Variants in GRID1 observed in about 807,000 individuals in gnomAD.
The protein encoded by GRID1 is glutamate ionotropic receptor delta type subunit 1.
GRID1 carries 28 observed loss-of-function variants against 98.0 expected under a neutral mutation model. That is an observed-to-expected ratio of 0.29 (90% CI 0.21 to 0.39). The LOEUF (loss-of-function observed/expected upper bound fraction) is 0.39. Ranked by LOEUF, GRID1 falls within the 10% of genes least tolerant of loss-of-function variation. The probability of loss-of-function intolerance (pLI) is 1.00; values close to 1 mark genes in which losing one functional copy is unlikely to be tolerated. For synonymous variants in GRID1, 553 were observed against 538.5 expected (o/e 1.03, Z -0.37); for missense variants, 1,111 against 1,340.5 (o/e 0.83, Z 2.67).
chr10:85,836,349 A>C (rs1320713580), intron 8 of GRID1, among the ~76,000 whole-genome samples: 2 of 152,154 alleles, frequency 1.3e-5, no homozygotes, highest in Non-Finnish European at 2.9e-5. Context: ...TTCAGAGGGA[A>C]GGCACCGAGA....
At chr10:86,196,971 C>T (rs1845883311) in intron 3 of GRID1, among the ~76,000 whole-genome samples, 1 of 152,092 alleles carries the variant, frequency 6.6e-6, no homozygotes, top group African/African-American at 2.4e-5. Context: ...ATTCACTCAT[C>T]AAATATTTAA....
chr10:85,619,811 A>G (rs898611309), intron 14 of GRID1, 56 bp downstream of exon 14: 1 of 1,370,416 alleles, frequency 7.3e-7, no homozygotes, highest in African/African-American at 1.4e-5. Flanking sequence ...TTATTCTCCT[A>G]CCCTTGACCA....
intron 4 of GRID1, among the ~76,000 whole-genome samples, chr10:86,032,383 A>AG (rs1564655039): frequency 1.3e-5 from 2 of 152,138 alleles, no homozygotes; most frequent in East Asian, 1.9e-4. Flanking sequence ...GTCGAGTGTA[A>AG]GGGGGGGAAG....
chr10:86,001,281 CT>C (rs529881348), intron 4 of GRID1, among the ~76,000 whole-genome samples: 54 of 152,202 alleles, frequency 3.5e-4, no homozygotes, highest in African/African-American at 1.3e-3. Context: ...TTCCATGAAT[CT>C]TTATATGTGT....
At position 85,889,643 on chromosome 10, in the gene GRID1, A is replaced by G. The variant is rs550778461; in HGVS notation, c.781-20463T>C. Among the ~76,000 whole-genome samples the G allele has an allele frequency of 7.2e-5, 11 of 152,326 alleles. No homozygotes were observed. The South Asian group carries it at 1.9e-3, about 26-fold the overall frequency. On this transcript the variant is annotated intron_variant, in intron 5 of 15. Transcript: ENST00000327946. The stretch of plus-strand genomic sequence containing the variant: ...TATTGTCAATAGTGCTGCAATAAAC[A>G]TGAGAGTTCAGGTACTTTGGAGATG...
intron 2 of GRID1, among the ~76,000 whole-genome samples, chr10:86,289,397 A>T (rs1294072235): frequency 6.6e-6 from 1 of 152,028 alleles, no homozygotes; most frequent in Non-Finnish European, 1.5e-5. Flanking sequence ...TCACCCCTTC[A>T]GACCCCTCGG....
intron 2 of GRID1, among the ~76,000 whole-genome samples, chr10:86,345,442 T>C (rs1848367999): frequency 6.6e-6 from 1 of 152,142 alleles, no homozygotes; most frequent in Non-Finnish European, 1.5e-5. Flanking sequence ...AGCCTGGTCC[T>C]CCTCTCCCCT....
intron 15 of GRID1, among the ~76,000 whole-genome samples, chr10:85,604,988 G>C (rs1424408545): frequency 6.6e-6 from 1 of 152,198 alleles, no homozygotes; most frequent in African/African-American, 2.4e-5. Context: ...AATAAGGACA[G>C]TAAGACTGAA....
chr10:86,252,611 C>G (rs1846854860), intron 2 of GRID1, among the ~76,000 whole-genome samples: 2 of 152,262 alleles, frequency 1.3e-5, no homozygotes. Flanking sequence ...TAACAAGCTA[C>G]AGTCAATGAC....
At chr10:86,101,115 G>T (rs1366537309) in intron 4 of GRID1, among the ~76,000 whole-genome samples, 1 of 151,972 alleles carries the variant, frequency 6.6e-6, no homozygotes, top group Non-Finnish European at 1.5e-5. Flanking sequence ...CATATGCAGG[G>T]GTCCACCTGG....
intron 8 of GRID1, among the ~76,000 whole-genome samples, chr10:85,840,745 CA>C (rs1421088058): frequency 6.6e-6 from 1 of 151,978 alleles, no homozygotes; most frequent in Non-Finnish European, 1.5e-5. Flanking sequence ...ACAATTGCCA[CA>C]AAAAGAATAA....
intron 3 of GRID1, among the ~76,000 whole-genome samples, chr10:86,187,628 T>C (rs1218526125): frequency 1.3e-5 from 2 of 152,176 alleles, no homozygotes; most frequent in African/African-American, 2.4e-5. Flanking sequence ...TTGGCATCTG[T>C]GCAAGCTGAG....
intron 2 of GRID1, among the ~76,000 whole-genome samples, chr10:86,356,245 T>C (rs754079120): frequency 6.6e-6 from 1 of 152,230 alleles, no homozygotes; most frequent in Non-Finnish European, 1.5e-5. Flanking sequence ...GGGGTATCAA[T>C]GGGAGCCACA....
At chr10:85,676,902 G>T (rs1310593155) in intron 12 of GRID1, among the ~76,000 whole-genome samples, 2 of 152,212 alleles carry the variant, frequency 1.3e-5, no homozygotes, top group African/African-American at 4.8e-5. Flanking sequence ...ATTAGTTAAT[G>T]GCAGGCAGAG....
At chr10:85,716,697 A>G (rs1190676373) in intron 12 of GRID1, among the ~76,000 whole-genome samples, 1 of 148,378 alleles carries the variant, frequency 6.7e-6, no homozygotes, top group Non-Finnish European at 1.5e-5. Context: ...TTATATATAC[A>G]TATATAATAT....
chr10:85,654,038 C>T (rs1289919724), intron 12 of GRID1, among the ~76,000 whole-genome samples: 1 of 152,206 alleles, frequency 6.6e-6, no homozygotes, highest in Non-Finnish European at 1.5e-5. Flanking sequence ...AGCAGAGGGA[C>T]TGCAGATCCA....
chr10:85,669,649 C>T (rs1684773565), intron 12 of GRID1, among the ~76,000 whole-genome samples: 1 of 152,158 alleles, frequency 6.6e-6, no homozygotes, highest in African/African-American at 2.4e-5. Context: ...TCTGTAGGTC[C>T]TGATTTGGCC....
intron 2 of GRID1, among the ~76,000 whole-genome samples, chr10:86,223,182 G>A (rs1307909025): frequency 6.6e-6 from 1 of 152,190 alleles, no homozygotes; most frequent in African/African-American, 2.4e-5. Flanking sequence ...CAGGGAAAGT[G>A]GCTGAGAGCG....
intron 8 of GRID1, among the ~76,000 whole-genome samples, chr10:85,851,093 T>C (rs1843054322): frequency 6.6e-6 from 1 of 152,162 alleles, no homozygotes; most frequent in Non-Finnish European, 1.5e-5. Flanking sequence ...GAATCCTCTT[T>C]TGGAGATTCC....
Sources: gnomAD v4.1 joint callset for allele counts (sites outside exome capture counted in the v4.1 genomes callset) on GRCh38, gnomAD v4.1.1 for gene constraint, MANE v1.5 for transcripts, NCBI Gene and HGNC (gene_info 2026-07-23, HGNC 2026-07-21) for gene names.